The following MRPS6 variants were observed in gnomAD, a reference collection of about 807,000 sequenced individuals.
MRPS6 encodes the protein small ribosomal subunit protein bS6m.
MRPS6 carries 6 observed loss-of-function variants against 13.1 expected under a neutral mutation model. The ratio of observed to expected loss-of-function variants is 0.46; its 90% CI spans 0.25 to 0.91. The LOEUF is 0.91. Among genes scored for constraint, MRPS6 ranks in the 40% least tolerant of loss-of-function variants. The probability of loss-of-function intolerance (pLI) is 0.18; values close to 1 mark genes in which losing one functional copy is unlikely to be tolerated. For synonymous variants in MRPS6, 61 were observed against 56.5 expected, an observed-to-expected ratio of 1.08 and a Z score of -0.36; for missense variants, 164 against 155.6, an observed-to-expected ratio of 1.05 and a Z score of -0.29.
Position 34,102,921 on chromosome 21 carries a change from A to C in MRPS6, c.46-22420A>C, listed in dbSNP as rs552381741. 6 of 999,696 alleles carry C rather than the reference A, an allele frequency of 6.0e-6. No individual in the cohort carries two copies. The Admixed American group carries it at 3.1e-4, about 51-fold the overall frequency. 61.9% of individuals were successfully genotyped at this position (999,696 alleles called of 1,614,324 possible). A position where few individuals can be genotyped will look rare whatever the true frequency, so the allele number is the denominator to read the frequency against. ...GCACAAGTTGGCAGTAGGTATCCCC[A>C]ACCTAATTTATCTTGGTAAATTCAC... is the stretch of plus-strand genomic sequence containing the variant. On this transcript the variant is annotated intron_variant, in intron 1 of 2. Coordinates refer to ENST00000399312, the MANE Select transcript of MRPS6 (RefSeq NM_032476.4).
chr21:34,115,083 C>G (rs1602950977), intron 1 of MRPS6, among the ~76,000 whole-genome samples: 1 of 152,314 alleles, frequency 6.6e-6, no homozygotes, highest in East Asian at 1.9e-4. Flanking sequence ...TTTGCAAATT[C>G]AGCCATGCAT....
intron 1 of MRPS6, chr21:34,125,097 C>T (rs111582965): frequency 3.0e-5 from 15 of 502,178 alleles, no homozygotes; most frequent in African/African-American, 2.2e-4. Flanking sequence ...CTGCCCTGGT[C>T]CCTGAACTCT....
intron 1 of MRPS6, among the ~76,000 whole-genome samples, chr21:34,117,890 G>A (rs957645865): frequency 9.9e-5 from 15 of 152,004 alleles, no homozygotes; most frequent in South Asian, 2.1e-4. Flanking sequence ...GCATGTAACT[G>A]TTTCTCAGAA....
At chr21:34,075,869 A>T (rs1989318164) in intron 1 of MRPS6, among the ~76,000 whole-genome samples, 1 of 152,212 alleles carries the variant, frequency 6.6e-6, no homozygotes, top group Admixed American at 6.5e-5. Flanking sequence ...TTAAAAAGTT[A>T]ACTCTAGGCT....
intron 2 of MRPS6, among the ~76,000 whole-genome samples, chr21:34,136,436 C>T (rs1263209721): frequency 1.3e-5 from 2 of 152,224 alleles, no homozygotes; most frequent in African/African-American, 4.8e-5. Flanking sequence ...GCGTGAGCCA[C>T]CACATCCATG....
chr21:34,125,192 G>T, intron 1 of MRPS6, 149 bp from the exon 2 acceptor site: 1 of 1,228,664 alleles, frequency 8.1e-7, no homozygotes, highest in Non-Finnish European at 1.1e-6. Flanking sequence ...TTTATTTTAA[G>T]TTAACCAAAA....
chr21:34,098,805 C>T (rs1419385082), intron 1 of MRPS6: 7 of 999,436 alleles, frequency 7.0e-6, no homozygotes, highest in Non-Finnish European at 7.2e-6. Context: ...AGATTACGTA[C>T]TTCTGTGTCT....
At chr21:34,098,734 C>G (rs1239810024) in intron 1 of MRPS6, 1 of 1,000,196 alleles carries the variant, frequency 1.0e-6, no homozygotes, top group East Asian at 1.1e-4. Context: ...CTTGACATGG[C>G]TTGGCACCCA....
intron 1 of MRPS6, chr21:34,102,071 C>G: frequency 1.0e-6 from 1 of 999,844 alleles, no homozygotes; most frequent in Non-Finnish European, 1.2e-6. Context: ...CTTTCGATTG[C>G]TAGACTTGGT....
chr21:34,138,479 C>CA (rs1451843499), intron 2 of MRPS6, among the ~76,000 whole-genome samples: 1 of 151,836 alleles, frequency 6.6e-6, no homozygotes, highest in African/African-American at 2.4e-5. Flanking sequence ...ACAATGAACT[C>CA]AAACAAATTT....
intron 1 of MRPS6, among the ~76,000 whole-genome samples, chr21:34,112,608 TCAGA>T (rs952103116): frequency 1.8e-4 from 27 of 152,088 alleles, no homozygotes; most frequent in African/African-American, 6.5e-4. Context: ...ATCCCCTGGC[TCAGA>T]CAATTACTTA....
At chr21:34,138,839 A>G (rs937774728) in intron 2 of MRPS6, among the ~76,000 whole-genome samples, 1 of 152,152 alleles carries the variant, frequency 6.6e-6, no homozygotes, top group African/African-American at 2.4e-5. Flanking sequence ...ATTACTGGGT[A>G]TATACCCAAA....
At position 34,126,873 on chromosome 21, in the gene MRPS6, G is replaced by A. The variant is rs548419967; in HGVS notation, c.185+1393G>A. On this transcript the variant is annotated intron_variant, in intron 2 of 2. Transcript: ENST00000399312. ...TGCACTAACACGTAGCCTGAGTAAT[G>A]CTGACGTCACTTGTCTGAGGACCAG... Among the ~76,000 whole-genome samples the A allele has an allele frequency of 4.1e-4, 63 of 152,296 alleles. 1 individual carries two copies. In the South Asian group the frequency reaches 0.013, roughly 32 times the overall value.
chr21:34,124,104 A>G (rs371661120), intron 1 of MRPS6: 6 of 152,278 alleles, frequency 3.9e-5, no homozygotes, highest in African/African-American at 7.2e-5. Flanking sequence ...GCAGGTGACT[A>G]TGAAATGTGT....
In MRPS6 at chr21:34,142,414, C is replaced by T; in HGVS notation, c.192C>T (p.Phe64=). The T allele has an allele frequency of 6.4e-7, 1 of 1,567,270 alleles. No individual in the cohort carries two copies. Among genetic ancestry groups the T allele is most frequent in the Non-Finnish European group, 8.6e-7 (1 of 1,159,378 alleles). The stretch of plus-strand genomic sequence containing the variant: ...AGTTTTTATTTTATTGCAGGTATTT[C>T]TTGGTGGATTTTTATGCACCCACCG... The part of the protein sequence containing the change: ...HSQQHNRGGY[F]LVDFYAPTAA... Residue 64 remains phenylalanine, a synonymous_variant, in exon 3 of 3, where the codon TTC becomes TTT. Coordinates refer to ENST00000399312, the MANE Select transcript of MRPS6 (RefSeq NM_032476.4).
At chr21:34,074,466 T>C (rs975485367) in intron 1 of MRPS6, among the ~76,000 whole-genome samples, 3 of 152,224 alleles carry the variant, frequency 2.0e-5, no homozygotes, top group Non-Finnish European at 4.4e-5. Flanking sequence ...CTGCTTTTGA[T>C]TGATCTTGAG....
chr21:34,080,574 T>C (rs1315353737), intron 1 of MRPS6, among the ~76,000 whole-genome samples: 1 of 152,192 alleles, frequency 6.6e-6, no homozygotes, highest in Non-Finnish European at 1.5e-5. Context: ...TAAACAAATA[T>C]CAAGGGCCTG....
chr21:34,103,450 A>T, intron 1 of MRPS6: 1 of 998,950 alleles, frequency 1.0e-6, no homozygotes, highest in Non-Finnish European at 1.2e-6. Context: ...AAAAACTTAA[A>T]GTTACTTATG....
intron 1 of MRPS6, among the ~76,000 whole-genome samples, chr21:34,090,635 T>C (rs1365485305): frequency 6.6e-6 from 1 of 152,230 alleles, no homozygotes; most frequent in Non-Finnish European, 1.5e-5. Context: ...TTCTAGTATA[T>C]TCAGGTTGTA....
Sources: allele counts gnomAD v4.1 joint callset (sites outside exome capture counted in the v4.1 genomes callset), GRCh38; gene constraint gnomAD v4.1.1; transcripts MANE v1.5; gene names NCBI Gene and HGNC (gene_info 2026-07-23, HGNC 2026-07-21).